ADAM22: variants seen among roughly 807,000 people sequenced by gnomAD.
ADAM22 encodes the protein disintegrin and metalloproteinase domain-containing protein 22.
ADAM22 carries 65 observed loss-of-function variants against 144.6 expected under a neutral mutation model. That is an observed-to-expected ratio of 0.45 (90% confidence interval 0.37 to 0.55). ADAM22 has a LOEUF of 0.55. Ranked by LOEUF, ADAM22 falls within the 20% of genes least tolerant of loss-of-function variation. The pLI is 0.00. For missense variants in ADAM22, 974 were observed against 1,184.9 expected (o/e 0.82, Z 2.61); for synonymous variants, 391 against 412.6 (o/e 0.95, Z 0.63).
intron 4 of ADAM22, among the ~76,000 whole-genome samples, chr7:88,097,968 A>G (rs911336523): frequency 6.6e-6 from 1 of 152,102 alleles, no homozygotes; most frequent in Non-Finnish European, 1.5e-5. Flanking sequence ...CATTCTCCCA[A>G]TTTAGAACTA....
chr7:88,109,044 G>T (rs1335785290), intron 5 of ADAM22, among the ~76,000 whole-genome samples: 1 of 152,018 alleles, frequency 6.6e-6, no homozygotes, highest in African/African-American at 2.4e-5. Context: ...CTTTATATTA[G>T]TTTTTATATT....
intron 2 of ADAM22, among the ~76,000 whole-genome samples, chr7:87,971,339 A>C (rs963613086): frequency 2.6e-5 from 4 of 152,176 alleles, no homozygotes; most frequent in South Asian, 4.1e-4. Flanking sequence ...GGATGAAAGC[A>C]AGGAGTTGAA....
At chr7:88,132,693 A>G (rs1297518481) in intron 11 of ADAM22, 174 bp from the exon 12 acceptor site, 1 of 502,848 alleles carries the variant, frequency 2.0e-6, no homozygotes, top group Admixed American at 3.5e-5. Context: ...ATCCCTCATA[A>G]ACCTTTTTCT....
At chr7:88,189,522 G>A (rs953324171) in intron 30 of ADAM22, among the ~76,000 whole-genome samples, 5 of 152,212 alleles carry the variant, frequency 3.3e-5, no homozygotes, top group Non-Finnish European at 5.9e-5. Flanking sequence ...GGCACAGCTA[G>A]TAAGTGTCAG....
At chr7:88,124,319 G>T (rs1017944942) in intron 7 of ADAM22, among the ~76,000 whole-genome samples, 1 of 151,700 alleles carries the variant, frequency 6.6e-6, no homozygotes, top group African/African-American at 2.4e-5. Flanking sequence ...ACATTTAGGA[G>T]CATTGTGTCT....
chr7:88,062,419 C>A (rs890987284), intron 3 of ADAM22, among the ~76,000 whole-genome samples: 1 of 152,206 alleles, frequency 6.6e-6, no homozygotes, highest in Non-Finnish European at 1.5e-5. Context: ...ATTTCTTCTG[C>A]AACTTCCTCA....
chr7:88,080,570 T>A (rs1371562407), intron 4 of ADAM22, among the ~76,000 whole-genome samples: 1 of 151,756 alleles, frequency 6.6e-6, no homozygotes, highest in Admixed American at 6.6e-5. Flanking sequence ...TGGTTTTTTT[T>A]AAAAGATCAA....
chr7:88,067,076 T>G (rs1252156588), intron 3 of ADAM22, among the ~76,000 whole-genome samples: 1 of 151,936 alleles, frequency 6.6e-6, no homozygotes, highest in East Asian at 1.9e-4. Flanking sequence ...TCTAAGTAAA[T>G]TTTGAAGTAA....
intron 3 of ADAM22, among the ~76,000 whole-genome samples, chr7:87,995,618 C>G (rs1457358158): frequency 6.6e-6 from 1 of 152,164 alleles, no homozygotes; most frequent in Non-Finnish European, 1.5e-5. Flanking sequence ...TCACCCAGAC[C>G]TGCTGAATCA....
At chr7:88,077,569 G>A (rs1814974023) in intron 4 of ADAM22, among the ~76,000 whole-genome samples, 1 of 152,246 alleles carries the variant, frequency 6.6e-6, no homozygotes, top group South Asian at 2.1e-4. Flanking sequence ...GGAAGTGCAA[G>A]GGGTCAGGGA....
intron 23 of ADAM22, 139 bp from the exon 24 acceptor site, chr7:88,165,693 A>C: frequency 2.2e-6 from 1 of 460,818 alleles, no homozygotes; most frequent in Non-Finnish European, 3.8e-6. Context: ...AAATAATGTA[A>C]TTAGTATTAA....
At chr7:88,007,770 A>G (rs1301632818) in intron 3 of ADAM22, among the ~76,000 whole-genome samples, 1 of 152,222 alleles carries the variant, frequency 6.6e-6, no homozygotes, top group Admixed American at 6.5e-5. Flanking sequence ...AAAGACTTAA[A>G]CGTTAGACCT....
Position 88,067,468 on chromosome 7 carries a change from G to A in ADAM22, c.324-8158G>A, listed in dbSNP as rs577031490. Among the ~76,000 whole-genome samples, 586 of 149,668 alleles carry A rather than the reference G, an allele frequency of 3.9e-3. 3 individuals carry two copies. The highest frequency in any genetic ancestry group is 5.7e-3 in the Non-Finnish European group (387 of 67,552). ...GTATTGAGCCACAATGATCAGATAT[G>A]CCAACAGGCCATTATATGTTAATAG... On this transcript the variant is annotated intron_variant, in intron 3 of 31. Transcript: ENST00000413139.
At chr7:88,183,749 G>T (rs1166261191) in intron 29 of ADAM22, among the ~76,000 whole-genome samples, 1 of 151,262 alleles carries the variant, frequency 6.6e-6, no homozygotes, top group East Asian at 1.9e-4. Context: ...TAATTAAATG[G>T]ATCCAAGTCT....
intron 5 of ADAM22, among the ~76,000 whole-genome samples, chr7:88,110,668 T>C (rs1172210944): frequency 6.7e-6 from 1 of 148,980 alleles, no homozygotes; most frequent in African/African-American, 2.5e-5. Context: ...TTTTTTCTTT[T>C]CTCTTCTCTT....
chr7:88,193,307 T>A, intron 31 of ADAM22, 68 bp downstream of exon 31: 1 of 1,504,092 alleles, frequency 6.6e-7, no homozygotes, highest in South Asian at 1.3e-5. Context: ...GTTTATATTT[T>A]AAAAGAGAGA....
At chr7:88,182,341 G>A (rs1320940916) in intron 29 of ADAM22, among the ~76,000 whole-genome samples, 1 of 151,954 alleles carries the variant, frequency 6.6e-6, no homozygotes, top group Non-Finnish European at 1.5e-5. Flanking sequence ...TCATCATCTG[G>A]GATTCAACCA....
At chr7:88,104,879 T>C (rs1823939852) in intron 4 of ADAM22, among the ~76,000 whole-genome samples, 1 of 152,142 alleles carries the variant, frequency 6.6e-6, no homozygotes, top group South Asian at 2.1e-4. Flanking sequence ...ATTGAGCTCT[T>C]TGCTTCATTT....
At chr7:88,013,188 A>G (rs531133227) in intron 3 of ADAM22, among the ~76,000 whole-genome samples, 1 of 152,318 alleles carries the variant, frequency 6.6e-6, no homozygotes, top group African/African-American at 2.4e-5. Flanking sequence ...CTTCTGCTCC[A>G]GATAAACTGA....
Sources: gnomAD v4.1 joint callset for allele counts (sites outside exome capture counted in the v4.1 genomes callset) on GRCh38, gnomAD v4.1.1 for gene constraint, MANE v1.5 for transcripts, NCBI Gene and HGNC (gene_info 2026-07-23, HGNC 2026-07-21) for gene names.